ADAMTS2: variants seen among roughly 807,000 people sequenced by gnomAD.
The protein encoded by ADAMTS2 is ADAM metallopeptidase with thrombospondin type 1 motif 2.
ADAMTS2 carries 50 observed loss-of-function variants against 123.0 expected under a neutral mutation model. That is an observed-to-expected ratio of 0.41 (90% CI 0.32 to 0.51). The LOEUF (loss-of-function observed/expected upper bound fraction) is 0.51. Among genes scored for constraint, ADAMTS2 ranks in the 20% least tolerant of loss-of-function variants. ADAMTS2 has a pLI of 0.35. For synonymous variants in ADAMTS2, 678 were observed against 695.4 expected (o/e 0.98, Z 0.39); for missense variants, 1,494 against 1,705.2 (o/e 0.88, Z 2.18).
chr5:179,338,794 C>T (rs1757689940), intron 2 of ADAMTS2, among the ~76,000 whole-genome samples: 1 of 151,920 alleles, frequency 6.6e-6, no homozygotes, highest in Non-Finnish European at 1.5e-5. Flanking sequence ...GAAGGGTTGT[C>T]GGGGAGAGAC....
intron 13 of ADAMTS2, among the ~76,000 whole-genome samples, chr5:179,135,102 G>A (rs1763041775): frequency 1.1e-5 from 1 of 91,532 alleles, no homozygotes; most frequent in Non-Finnish European, 2.3e-5. Context: ...CCAGCTCCCG[G>A]CTCCAGCCCC....
In ADAMTS2 at chr5:179,180,944, A is replaced by G. The variant is rs942878787; in HGVS notation, c.975+128T>C. The G allele has an allele frequency of 9.7e-6, 7 of 718,600 alleles. No individual in the cohort carries two copies. Among genetic ancestry groups the G allele is most frequent in the African/African-American group, 1.7e-5 (1 of 57,308 alleles). The allele number at this position is 718,600 out of a possible 1,614,324, so 44.5% of individuals were successfully genotyped here. A position where few individuals can be genotyped will look rare whatever the true frequency, so the allele number is the denominator to read the frequency against. On this transcript the variant is annotated intron_variant, in intron 5 of 21. Transcript: ENST00000251582. The surrounding 1 kb of genome is among the most constrained non-coding windows in gnomAD (Gnocchi z 4.6). ...GGATCTTGTTTCTTATAGGAACCTCAGGGGAGCCAGGGAGAGGCAGGGTGG... is the reference window on the plus strand; with the variant it reads ...GGATCTTGTTTCTTATAGGAACCTCGGGGGAGCCAGGGAGAGGCAGGGTGG...
chr5:179,218,731 TA>T (rs1194943237), intron 3 of ADAMTS2, among the ~76,000 whole-genome samples: 1 of 152,150 alleles, frequency 6.6e-6, no homozygotes, highest in African/African-American at 2.4e-5. Context: ...GACAGTTCTC[TA>T]AACTCCCACG....
Position 179,132,976 on chromosome 5 carries a change from C to A in ADAMTS2, c.2086-76G>T. ...AGGGTCATACTATGTTGCCCCCAGT[C>A]TCGAACACCTGGCCTCAAGCGATCC... On this transcript the variant is annotated intron_variant, in intron 13 of 21. Transcript: ENST00000251582. The surrounding 1 kb of genome is among the most constrained non-coding windows in gnomAD (Gnocchi z 6.1). 1 of 1,561,800 alleles carries A rather than the reference C, an allele frequency of 6.4e-7. No homozygotes were observed. The highest frequency in any genetic ancestry group is 2.4e-5 in the East Asian group (1 of 42,266).
intron 13 of ADAMTS2, among the ~76,000 whole-genome samples, chr5:179,135,196 C>T (rs951180037): frequency 8.5e-6 from 1 of 117,568 alleles, no homozygotes; most frequent in Non-Finnish European, 1.9e-5. Context: ...AGCCCCCAGC[C>T]GCTGTCCCTG....
rs1281576953 is a variant in ADAMTS2, at chr5:179,190,768, G to A, written c.892-9613C>T. On this transcript the variant is annotated intron_variant, in intron 4 of 21. Transcript: ENST00000251582. ...CATCAAATTACAGGAGGGTCCAACA[G>A]CCCAAGCTGTTTCCCTGGGACCCCA... Among the ~76,000 whole-genome samples, 6 of 152,370 alleles carry A rather than the reference G, an allele frequency of 3.9e-5. No homozygotes were observed. In the East Asian group the frequency reaches 1.2e-3, roughly 29 times the overall value.
At position 179,256,050 on chromosome 5, in the gene ADAMTS2, C is replaced by T. The variant is rs940103803; in HGVS notation, c.688+16861G>A. Among the ~76,000 whole-genome samples, 1 of 152,206 alleles carries T rather than the reference C, an allele frequency of 6.6e-6. No individual in the cohort carries two copies. Among genetic ancestry groups the T allele is most frequent in the Non-Finnish European group, 1.5e-5 (1 of 68,034 alleles). ...TCTCCTTCTCTGTCCCCAGCCTCTC[C>T]CGCAGCTTGGCCTTGGTCCACCGTG... On this transcript the variant is annotated intron_variant, in intron 3 of 21. Coordinates refer to ENST00000251582, the MANE Select transcript of ADAMTS2 (RefSeq NM_014244.5). The surrounding 1 kb of genome is among the most constrained non-coding windows in gnomAD (Gnocchi z 4.1).
In ADAMTS2 at chr5:179,234,044, G is replaced by A. The variant is rs114690751; in HGVS notation, c.689-26329C>T. 1.8e-3 allele frequency among the ~76,000 whole-genome samples: 269 copies of A among 152,246 alleles called. No homozygotes were observed. The highest frequency in any genetic ancestry group is 6.2e-3 in the African/African-American group (257 of 41,532). On this transcript the variant is annotated intron_variant, in intron 3 of 21. Transcript: ENST00000251582. This position sits in a 1 kb window ranked among gnomAD's most constrained non-coding sequence, Gnocchi z 4.7. ...AAGACCCTCCTGTGTCCAGGACCCCGACTGCCAGGCCCTTCCACAGCCCGA... is the reference window on the plus strand; with the variant it reads ...AAGACCCTCCTGTGTCCAGGACCCCAACTGCCAGGCCCTTCCACAGCCCGA...
At chr5:179,336,607 A>G (rs1757619906) in intron 2 of ADAMTS2, among the ~76,000 whole-genome samples, 1 of 152,176 alleles carries the variant, frequency 6.6e-6, no homozygotes, top group African/African-American at 2.4e-5. Context: ...TGTGTCCCGT[A>G]ACCGATGGCA....
chr5:179,236,677 G>A (rs746919634), intron 3 of ADAMTS2, among the ~76,000 whole-genome samples: 6 of 152,202 alleles, frequency 3.9e-5, no homozygotes, highest in Non-Finnish European at 8.8e-5. Context: ...TGCAGTCCCA[G>A]CTACTCGGGA....
chr5:179,139,981 C>T lies in ADAMTS2; in HGVS notation c.1684G>A (p.Gly562Ser), dbSNP rs757782312. ...WLTPDILKRDGSWGAWSPFGS... is the reference protein window; with the variant it reads ...WLTPDILKRDSSWGAWSPFGS... ...AACGGACTCCAAGCGCCCCAGCTGC[C>T]GTCCCGTTTGAGGATGTCAGGTGTC... Residue 562 changes from glycine (G) to serine (S), a missense_variant, in exon 11 of 22, where the codon GGC becomes AGC. Coordinates refer to ENST00000251582, the MANE Select transcript of ADAMTS2 (RefSeq NM_014244.5). The T allele has an allele frequency of 2.8e-5, 45 of 1,613,980 alleles. No homozygotes were observed. The highest frequency in any genetic ancestry group is 3.4e-5 in the Non-Finnish European group (40 of 1,180,024).
chr5:179,322,421 C>T (rs1443976002), intron 2 of ADAMTS2, among the ~76,000 whole-genome samples: 1 of 152,182 alleles, frequency 6.6e-6, no homozygotes, highest in Non-Finnish European at 1.5e-5. Flanking sequence ...GTGCAGGGTC[C>T]AGTTCTCCCT....
Position 179,158,662 on chromosome 5 carries a change from G to C in ADAMTS2, c.1132+61C>G. 1 of 1,612,160 alleles carries C rather than the reference G, an allele frequency of 6.2e-7. No homozygotes were observed. The highest frequency in any genetic ancestry group is 8.5e-7 in the Non-Finnish European group (1 of 1,179,474). Reference sequence around the variant, plus strand: ...TGGGCCAAGGCTCCCGGGGCCCCTTGCATGGCCAGGGGCTCATTTCCAGCT... The same window carrying C: ...TGGGCCAAGGCTCCCGGGGCCCCTTCCATGGCCAGGGGCTCATTTCCAGCT... On this transcript the variant is annotated intron_variant, in intron 6 of 21. Coordinates refer to ENST00000251582, the MANE Select transcript of ADAMTS2 (RefSeq NM_014244.5). The surrounding 1 kb of genome is among the most constrained non-coding windows in gnomAD (Gnocchi z 5.0).
intron 4 of ADAMTS2, among the ~76,000 whole-genome samples, chr5:179,204,827 G>A (rs1041830553): frequency 2.6e-5 from 4 of 152,152 alleles, no homozygotes; most frequent in Admixed American, 2.6e-4. Context: ...CACGCCCCGG[G>A]ACTCTCTGCC....
intron 2 of ADAMTS2, among the ~76,000 whole-genome samples, chr5:179,327,170 A>G (rs975011138): frequency 2.6e-5 from 4 of 152,188 alleles, no homozygotes; most frequent in Non-Finnish European, 1.5e-5. Flanking sequence ...ACACTGGAAA[A>G]GCCAAACAAA....
intron 13 of ADAMTS2, 24 bp downstream of exon 13, chr5:179,135,885 C>A (rs201777414): frequency 6.2e-7 from 1 of 1,612,596 alleles, no homozygotes; most frequent in Admixed American, 1.7e-5. Flanking sequence ...CGGTAGCCCC[C>A]CGTGCCGGCC....
At chr5:179,275,209 G>T (rs1766662194) in intron 2 of ADAMTS2, among the ~76,000 whole-genome samples, 1 of 152,152 alleles carries the variant, frequency 6.6e-6, no homozygotes, top group Admixed American at 6.5e-5. Flanking sequence ...GAACAAAAAT[G>T]GGTCTGGGGT....
intron 4 of ADAMTS2, among the ~76,000 whole-genome samples, chr5:179,186,884 G>A (rs570368916): frequency 1.4e-4 from 17 of 125,566 alleles, no homozygotes; most frequent in South Asian, 8.4e-4. Context: ...ATCACCAAGC[G>A]GAATAGATCT....
chr5:179,181,873 C>G lies in ADAMTS2; in HGVS notation c.892-718G>C, dbSNP rs1339062350. ...CGTGGCACAAAAACAGGGGGGTGAACTCCCCTTCTACAGAACACAGCCAGC... is the reference window on the plus strand; with the variant it reads ...CGTGGCACAAAAACAGGGGGGTGAAGTCCCCTTCTACAGAACACAGCCAGC... On this transcript the variant is annotated intron_variant, in intron 4 of 21. Transcript: ENST00000251582. The surrounding 1 kb of genome is among the most constrained non-coding windows in gnomAD (Gnocchi z 4.1). Among the ~76,000 whole-genome samples, 6 of 152,174 alleles carry G rather than the reference C, an allele frequency of 3.9e-5. No homozygotes were observed. The South Asian group carries it at 8.3e-4, about 21-fold the overall frequency.
Sources: gnomAD v4.1 joint callset for allele counts (sites outside exome capture counted in the v4.1 genomes callset) on GRCh38, gnomAD v4.1.1 for gene constraint, Gnocchi (gnomAD v3.1) non-coding constraint, MANE v1.5 for transcripts, NCBI Gene and HGNC (gene_info 2026-07-23, HGNC 2026-07-21) for gene names.